Variants in ANKRD11 observed in about 807,000 individuals in gnomAD.
ANKRD11 encodes ankyrin repeat domain-containing protein 11.
In ANKRD11, 17 loss-of-function variants were observed where a neutral mutation model predicts 195.7. The ratio of observed to expected loss-of-function variants is 0.09; its 90% CI spans 0.06 to 0.13. The LOEUF is 0.13. ANKRD11 is among the 10% of genes least tolerant of loss of function. The probability of loss-of-function intolerance (pLI) is 1.00; values close to 1 mark genes in which losing one functional copy is unlikely to be tolerated. For missense variants in ANKRD11, 3,735 were observed against 3,566.1 expected (o/e 1.05, Z -1.21); for synonymous variants, 1,953 against 1,528.1 (o/e 1.28, Z -6.49).
At position 89,452,671 on chromosome 16, in the gene ANKRD11, G is replaced by A. The variant is rs533786730; in HGVS notation, c.-144-34303C>T. Among the ~76,000 whole-genome samples, 50 of 151,616 alleles carry A rather than the reference G, an allele frequency of 3.3e-4. 1 individual carries two copies. In the South Asian group the frequency reaches 9.8e-3, roughly 30 times the overall value. On this transcript the variant is annotated intron_variant, in intron 1 of 12. Coordinates refer to ENST00000301030, the MANE Select transcript of ANKRD11 (RefSeq NM_013275.6). ...GGGAGCCTGTAATCTCAGCTCAGGA[G>A]GCTGAGGCAGGAGGCAGGAAAATCT...
intron 1 of ANKRD11, among the ~76,000 whole-genome samples, chr16:89,423,355 G>A (rs16965699): frequency 0.025 from 3,774 of 152,292 alleles, 150 homozygotes; most frequent in African/African-American, 0.086. Context: ...CCTGGGCTCC[G>A]AACGGCAGTC....
intron 1 of ANKRD11, among the ~76,000 whole-genome samples, chr16:89,432,969 TCTCTC>T (rs1351892132): frequency 1.3e-5 from 2 of 148,694 alleles, no homozygotes; most frequent in Admixed American, 1.3e-4. Flanking sequence ...TCTCTCTCTC[TCTCTC>T]TCTCTCTCTC....
Position 89,291,916 on chromosome 16 carries a change from C to A in ANKRD11, c.227-733G>T. The A allele has an allele frequency of 2.0e-6, 1 of 491,030 alleles. No individual in the cohort carries two copies. Among genetic ancestry groups the A allele is most frequent in the Non-Finnish European group, 3.7e-6 (1 of 272,792 alleles). 30.4% of individuals were successfully genotyped at this position (491,030 alleles called of 1,614,324 possible). ...CTCGGCTGGCGTCTAACGCAACTCACGTGCTGTGTCTTTTAAAAGAGGCAG... is the reference window on the plus strand; with the variant it reads ...CTCGGCTGGCGTCTAACGCAACTCAAGTGCTGTGTCTTTTAAAAGAGGCAG... On this transcript the variant is annotated intron_variant, in intron 4 of 12. Transcript: ENST00000301030. This position sits in a 1 kb window ranked among gnomAD's most constrained non-coding sequence, Gnocchi z 5.3.
chr16:89,408,852 GA>G (rs535396066), intron 2 of ANKRD11, among the ~76,000 whole-genome samples: 1 of 152,102 alleles, frequency 6.6e-6, no homozygotes, highest in Non-Finnish European at 1.5e-5. Context: ...GATTTTGTAG[GA>G]AAAAAAGAGA....
At position 89,275,162 on chromosome 16, in the gene ANKRD11, G is replaced by A. The variant is rs2033540311; in HGVS notation, c.7500C>T (p.Pro2500=). 6 of 1,610,578 alleles carry A rather than the reference G, an allele frequency of 3.7e-6. No individual in the cohort carries two copies. The highest frequency in any genetic ancestry group is 1.3e-5 in the African/African-American group (1 of 75,028). The change falls in exon 10 of 13, where the codon CCC becomes CCT. Residue 2500 remains proline (P), a synonymous_variant. Coordinates refer to ENST00000301030, the MANE Select transcript of ANKRD11 (RefSeq NM_013275.6). ...CCTGCTGCCTGAACAGCTCCTTCAGGGGCTCCGCCAGGGAGGGAGGGGGTG... is the reference window on the plus strand; with the variant it reads ...CCTGCTGCCTGAACAGCTCCTTCAGAGGCTCCGCCAGGGAGGGAGGGGGTG... ...VIAPPPSLAE[P]LKELFRQQEA... is the part of the protein sequence containing the mutation.
intron 2 of ANKRD11, among the ~76,000 whole-genome samples, chr16:89,323,560 A>AGCCCAGGGCAGGGGG (rs2037493147): frequency 4.0e-5 from 1 of 24,958 alleles, no homozygotes; most frequent in African/African-American, 1.4e-4. Flanking sequence ...AGGGGGTCTG[A>AGCCCAGGGCAGGGGG]GCTAAGGGCA....
chr16:89,358,875 G>C (rs1185360283), intron 2 of ANKRD11, among the ~76,000 whole-genome samples: 2 of 151,968 alleles, frequency 1.3e-5, no homozygotes, highest in Non-Finnish European at 2.9e-5. Flanking sequence ...GCCCAGGCTG[G>C]AGCGCAGTGG....
intron 4 of ANKRD11, among the ~76,000 whole-genome samples, chr16:89,303,583 T>C (rs1054870867): frequency 6.6e-6 from 1 of 152,210 alleles, no homozygotes; most frequent in African/African-American, 2.4e-5. Context: ...CCAGATGTGC[T>C]GGCCCAGAGA....
At chr16:89,270,642 G>T in intron 12 of ANKRD11, 175 bp downstream of exon 12, 2 of 691,838 alleles carry the variant, frequency 2.9e-6, no homozygotes, top group Non-Finnish European at 5.1e-6. Context: ...GCAGGGACAG[G>T]ACCTCACCTC....
At chr16:89,433,554 G>A (rs1235980534) in intron 1 of ANKRD11, among the ~76,000 whole-genome samples, 1 of 152,246 alleles carries the variant, frequency 6.6e-6, no homozygotes, top group Non-Finnish European at 1.5e-5. Flanking sequence ...GAGCGCAACA[G>A]AGAAGAACAG....
chr16:89,285,718 G>A lies in ANKRD11; in HGVS notation c.893-69C>T. 1 of 1,533,116 alleles carries A rather than the reference G, an allele frequency of 6.5e-7. No homozygotes were observed. Among genetic ancestry groups the A allele is most frequent in the Non-Finnish European group, 9.0e-7 (1 of 1,107,250 alleles). The allele number at this position is 1,533,116 out of a possible 1,614,324, so 95.0% of individuals were successfully genotyped here. A position where few individuals can be genotyped will look rare whatever the true frequency, so the allele number is the denominator to read the frequency against. ...AGCTCTCCCCAGAATGGCAGAGGAG[G>A]GAGGCTCTGCAGATGTGTCTGCGGG... On this transcript the variant is annotated intron_variant, in intron 8 of 12. Coordinates refer to ENST00000301030, the MANE Select transcript of ANKRD11 (RefSeq NM_013275.6). This position sits in a 1 kb window ranked among gnomAD's most constrained non-coding sequence, Gnocchi z 5.6.
intron 3 of ANKRD11, among the ~76,000 whole-genome samples, chr16:89,306,921 G>A (rs942212538): frequency 4.0e-5 from 6 of 151,748 alleles, no homozygotes; most frequent in African/African-American, 1.5e-4. Context: ...AGACACGTGC[G>A]CTACCTCCCA....
intron 1 of ANKRD11, chr16:89,431,120 G>A (rs1383503233): frequency 2.0e-5 from 3 of 152,250 alleles, no homozygotes; most frequent in African/African-American, 7.2e-5. Context: ...TCTCCCAGGA[G>A]TTTCCACATA....
intron 6 of ANKRD11, chr16:89,288,906 C>CA (rs780466403): frequency 1.6e-6 from 1 of 610,580 alleles, no homozygotes; most frequent in Non-Finnish European, 2.9e-6. Context: ...TACGGACTGA[C>CA]AACCTGCAGG....
chr16:89,269,280 C>G (rs528901542), intron 12 of ANKRD11, among the ~76,000 whole-genome samples: 1 of 152,094 alleles, frequency 6.6e-6, no homozygotes, highest in Non-Finnish European at 1.5e-5. Context: ...CTCAACCTCC[C>G]GAGTAGCTGG....
rs1421399454 is a variant in ANKRD11, at chr16:89,291,609, A to G, written c.227-426T>C. On this transcript the variant is annotated intron_variant, in intron 4 of 12. Transcript: ENST00000301030. This position sits in a 1 kb window ranked among gnomAD's most constrained non-coding sequence, Gnocchi z 5.3. ...CACCTTCCCCGTCCCTCCTCCAAAC[A>G]GTGCAGATATAAAATGGCAGACACA... 7.0e-6 allele frequency: 8 copies of G among 1,138,570 alleles called. No individual in the cohort carries two copies. Among genetic ancestry groups the G allele is most frequent in the Admixed American group, 2.3e-5 (1 of 43,538 alleles). 70.5% of individuals were successfully genotyped at this position (1,138,570 alleles called of 1,614,324 possible). A position where few individuals can be genotyped will look rare whatever the true frequency, so the allele number is the denominator to read the frequency against.
At chr16:89,274,689 AG>A in intron 11 of ANKRD11, 124 bp downstream of exon 11, 4 of 1,388,122 alleles carry the variant, frequency 2.9e-6, no homozygotes, top group Non-Finnish European at 4.0e-6. Flanking sequence ...AGGACTCTGT[AG>A]CCCCTGCAAG....
intron 3 of ANKRD11, among the ~76,000 whole-genome samples, chr16:89,315,912 C>A (rs2036927519): frequency 6.6e-6 from 1 of 152,162 alleles, no homozygotes; most frequent in Non-Finnish European, 1.5e-5. Flanking sequence ...AGCACAGCAG[C>A]ACAGGAAGCA....
intron 1 of ANKRD11, among the ~76,000 whole-genome samples, chr16:89,423,838 C>T (rs1004191702): frequency 6.6e-6 from 1 of 152,166 alleles, no homozygotes; most frequent in Non-Finnish European, 1.5e-5. Context: ...CCGCACGGCT[C>T]GTGCACCTAG....
Sources: allele counts gnomAD v4.1 joint callset (sites outside exome capture counted in the v4.1 genomes callset), GRCh38; gene constraint gnomAD v4.1.1; non-coding constraint Gnocchi (gnomAD v3.1); transcripts MANE v1.5; gene names NCBI Gene and HGNC (gene_info 2026-07-23, HGNC 2026-07-21).